Variants in TMEM45A observed in about 807,000 individuals in gnomAD.
TMEM45A encodes DNA polymerase-transactivated protein 4.
TMEM45A carries 25 observed loss-of-function variants against 32.0 expected under a neutral mutation model. The observed-to-expected ratio is 0.78, with a 90% CI of 0.57 to 1.09. The LOEUF (loss-of-function observed/expected upper bound fraction) is 1.09, where lower values mean the gene tolerates loss of function less well. Among genes scored for constraint, TMEM45A ranks in the 50% least tolerant of loss-of-function variants. The pLI, the probability that TMEM45A is intolerant of heterozygous loss-of-function variation, is 0.00. For missense variants in TMEM45A, 302 were observed against 325.0 expected (o/e 0.93, Z 0.54); for synonymous variants, 122 against 114.8 (o/e 1.06, Z -0.40).
intron 1 of TMEM45A, among the ~76,000 whole-genome samples, chr3:100,542,109 T>G (rs1231160650): frequency 6.6e-6 from 1 of 152,226 alleles, no homozygotes. Context: ...TTTGTTCTTT[T>G]TGCTTAGGAT....
chr3:100,572,123 G>C (rs1196541468), intron 5 of TMEM45A: 1 of 152,222 alleles, frequency 6.6e-6, no homozygotes, highest in African/African-American at 2.4e-5. Flanking sequence ...CCAGTAATGG[G>C]ATGGCTGGAT....
intron 2 of TMEM45A, among the ~76,000 whole-genome samples, chr3:100,556,447 C>T (rs566426798): frequency 6.6e-6 from 1 of 152,296 alleles, no homozygotes; most frequent in East Asian, 1.9e-4. Context: ...TTCAAATCTC[C>T]AAATAATTCA....
At chr3:100,509,027 A>C (rs184537422) in intron 1 of TMEM45A, among the ~76,000 whole-genome samples, 45 of 152,338 alleles carry the variant, frequency 3.0e-4, no homozygotes, top group Middle Eastern at 3.4e-3. Context: ...ATGAAGAGAC[A>C]AACTTCGAAT....
chr3:100,498,051 C>T (rs1289611001), intron 1 of TMEM45A, among the ~76,000 whole-genome samples: 1 of 152,130 alleles, frequency 6.6e-6, no homozygotes, highest in Non-Finnish European at 1.5e-5. Context: ...GGGACGGTTT[C>T]CCCCATGCTG....
chr3:100,541,224 T>A (rs1705868102), intron 1 of TMEM45A, among the ~76,000 whole-genome samples: 1 of 152,186 alleles, frequency 6.6e-6, no homozygotes, highest in African/African-American at 2.4e-5. Context: ...TTCTGGGTGT[T>A]AGACCTTTGT....
intron 5 of TMEM45A, chr3:100,571,535 A>T (rs1706559654): frequency 6.6e-6 from 1 of 152,156 alleles, no homozygotes; most frequent in African/African-American, 2.4e-5. Flanking sequence ...ATTTAAACTG[A>T]TTTGTTTACC....
intron 1 of TMEM45A, among the ~76,000 whole-genome samples, chr3:100,531,314 G>GTT (rs1705643288): frequency 6.6e-6 from 1 of 152,100 alleles, no homozygotes; most frequent in Non-Finnish European, 1.5e-5. Flanking sequence ...GTGTGTGTGT[G>GTT]TACATGGTCT....
intron 1 of TMEM45A, among the ~76,000 whole-genome samples, chr3:100,511,227 GGT>G (rs1708155090): frequency 6.6e-6 from 1 of 152,134 alleles, no homozygotes; most frequent in Non-Finnish European, 1.5e-5. Flanking sequence ...CAGAGAGAAA[GGT>G]TGGGTTACCC....
chr3:100,570,303 GGACC>G (rs1706532442), intron 5 of TMEM45A, among the ~76,000 whole-genome samples: 7 of 152,294 alleles, frequency 4.6e-5, no homozygotes, highest in Non-Finnish European at 1.0e-4. Flanking sequence ...CTTTAGACAT[GGACC>G]CCAAGTCACC....
At chr3:100,493,124 T>A (rs915244696) in intron 1 of TMEM45A, among the ~76,000 whole-genome samples, 196 bp downstream of exon 1, 28,271 of 100,300 alleles carry the variant, frequency 0.28, 2,695 homozygotes, top group Admixed American at 0.33. Context: ...GCTATTCTTT[T>A]TTTTTTTTTT....
At chr3:100,520,494 C>T (rs147729130) in intron 1 of TMEM45A, among the ~76,000 whole-genome samples, 11 of 152,248 alleles carry the variant, frequency 7.2e-5, no homozygotes, top group African/African-American at 2.4e-4. Flanking sequence ...CCCTCTTTTC[C>T]GCCCTTGCTG....
At chr3:100,508,279 G>T (rs991333706) in intron 1 of TMEM45A, among the ~76,000 whole-genome samples, 7 of 152,094 alleles carry the variant, frequency 4.6e-5, no homozygotes, top group African/African-American at 1.7e-4. Flanking sequence ...CATAGCCCAA[G>T]ACTGAAGCAA....
At chr3:100,519,357 C>T in intron 1 of TMEM45A, 1 of 571,340 alleles carries the variant, frequency 1.8e-6, no homozygotes, top group East Asian at 2.8e-5. Flanking sequence ...TTGCTTTTGA[C>T]ATGCATACAG....
intron 1 of TMEM45A, among the ~76,000 whole-genome samples, chr3:100,526,584 C>CACA (rs1705549853): frequency 6.6e-6 from 1 of 152,148 alleles, no homozygotes; most frequent in African/African-American, 2.4e-5. Context: ...CACCATGAGG[C>CACA]TAAAAGTAAT....
At position 100,541,591 on chromosome 3, in the gene TMEM45A, A is replaced by G. The variant is rs147852822; in HGVS notation, c.-3-13618A>G. Among the ~76,000 whole-genome samples, 461 of 138,590 alleles carry G rather than the reference A, an allele frequency of 3.3e-3. 4 individuals carry two copies. Among genetic ancestry groups the G allele is most frequent in the Non-Finnish European group, 5.2e-3 (342 of 66,176 alleles). The allele number at this position is 138,590 out of a possible 152,430, so 90.9% of individuals were successfully genotyped here. Reference sequence around the variant, plus strand: ...GTCACCCAGGCTGGAGTTTGATGGCACGATCATGACTCACTGCCGCCTCAC... The same window carrying G: ...GTCACCCAGGCTGGAGTTTGATGGCGCGATCATGACTCACTGCCGCCTCAC... On this transcript the variant is annotated intron_variant, in intron 1 of 5. Coordinates refer to ENST00000323523, the MANE Select transcript of TMEM45A (RefSeq NM_018004.3).
chr3:100,576,855 A>G (rs1172626510), intron 5 of TMEM45A, 70 bp from the exon 6 acceptor site: 1 of 1,117,428 alleles, frequency 8.9e-7, no homozygotes, highest in Non-Finnish European at 1.3e-6. Context: ...TTGTGGTATA[A>G]TGGGTGCATA....
intron 5 of TMEM45A, chr3:100,573,408 T>C (rs1706612545): frequency 6.6e-6 from 1 of 152,220 alleles, no homozygotes; most frequent in South Asian, 2.1e-4. Flanking sequence ...TGTTTGTCTG[T>C]TATTGGTGTA....
intron 5 of TMEM45A, among the ~76,000 whole-genome samples, chr3:100,575,363 C>CTCTTTTTTTTTTTTTTTTTT (rs1706660425): frequency 1.1e-4 from 7 of 62,762 alleles, no homozygotes; most frequent in African/African-American, 3.8e-4. Context: ...TATGGATTCT[C>CTCTTTTTTTTTTTTTTTTTT]TTTTTTTTTT....
intron 1 of TMEM45A, among the ~76,000 whole-genome samples, chr3:100,515,683 T>A (rs954939290): frequency 1.3e-5 from 2 of 151,440 alleles, no homozygotes; most frequent in African/African-American, 4.8e-5. Flanking sequence ...TGAAATCCTG[T>A]CATTTGTAGC....
Sources: gnomAD v4.1 joint callset for allele counts (sites outside exome capture counted in the v4.1 genomes callset) on GRCh38, gnomAD v4.1.1 for gene constraint, MANE v1.5 for transcripts, NCBI Gene and HGNC (gene_info 2026-07-23, HGNC 2026-07-21) for gene names.